Variants in ASTN1 observed in about 807,000 individuals in gnomAD.
ASTN1 encodes astrotactin-1.
In ASTN1, 41 loss-of-function variants were observed where a neutral mutation model predicts 140.7. The observed-to-expected ratio is 0.29, with a 90% CI of 0.23 to 0.38. The LOEUF is 0.38. Ranked by LOEUF, ASTN1 falls within the 10% of genes least tolerant of loss-of-function variation. The pLI is 1.00. For synonymous variants in ASTN1, 640 were observed against 652.2 expected, an observed-to-expected ratio of 0.98 and a Z score of 0.29; for missense variants, 1,479 against 1,678.8, an observed-to-expected ratio of 0.88 and a Z score of 2.08.
intron 1 of ASTN1, among the ~76,000 whole-genome samples, chr1:177,064,228 T>C (rs1325362248): frequency 2.0e-5 from 3 of 152,206 alleles, no homozygotes; most frequent in Non-Finnish European, 2.9e-5. Context: ...GCTAAATCCA[T>C]GTAGTCATTT....
chr1:176,981,170 C>T (rs527287236), intron 8 of ASTN1, among the ~76,000 whole-genome samples: 15 of 136,694 alleles, frequency 1.1e-4, no homozygotes, highest in Middle Eastern at 4.4e-3. Context: ...CAAGATTGCA[C>T]CACTCAACTC....
chr1:176,941,489 A>G (rs774810123), intron 14 of ASTN1, among the ~76,000 whole-genome samples: 2 of 152,162 alleles, frequency 1.3e-5, no homozygotes, highest in Non-Finnish European at 2.9e-5. Flanking sequence ...CCATCTGGGC[A>G]TCCTTCTATT....
intron 12 of ASTN1, among the ~76,000 whole-genome samples, chr1:176,946,486 C>G (rs1671964602): frequency 6.6e-6 from 1 of 152,144 alleles, no homozygotes; most frequent in African/African-American, 2.4e-5. Flanking sequence ...TAGAGCTTTT[C>G]TTAAGAACCA....
chr1:176,909,484 TGGGTAAAAAAG>T (rs1323225011), intron 16 of ASTN1, among the ~76,000 whole-genome samples: 2 of 152,042 alleles, frequency 1.3e-5, no homozygotes, highest in Non-Finnish European at 2.9e-5. Flanking sequence ...AAGGGGAAAA[TGGGTAAAAAAG>T]ATGCTGCTGA....
intron 8 of ASTN1, among the ~76,000 whole-genome samples, chr1:176,984,927 CT>C (rs1673813143): frequency 6.6e-6 from 1 of 152,190 alleles, no homozygotes; most frequent in African/African-American, 2.4e-5. Context: ...AAACCTTGAA[CT>C]CTGAGTGATC....
At chr1:176,906,049 A>G (rs1032760335) in intron 16 of ASTN1, among the ~76,000 whole-genome samples, 1 of 152,232 alleles carries the variant, frequency 6.6e-6, no homozygotes, top group African/African-American at 2.4e-5. Flanking sequence ...CTGGTGACTA[A>G]GGTGACACAG....
intron 1 of ASTN1, among the ~76,000 whole-genome samples, chr1:177,162,673 T>A (rs1260597333): frequency 6.6e-6 from 1 of 152,154 alleles, no homozygotes; most frequent in Non-Finnish European, 1.5e-5. Context: ...TCATGCACAG[T>A]AAACACTACA....
intron 8 of ASTN1, among the ~76,000 whole-genome samples, chr1:176,990,286 A>C (rs1284300426): frequency 1.3e-5 from 2 of 151,928 alleles, no homozygotes; most frequent in African/African-American, 4.8e-5. Context: ...TTCCTTTTAA[A>C]ATTAAAACCC....
chr1:177,101,183 A>C (rs1402756066), intron 1 of ASTN1, among the ~76,000 whole-genome samples: 1 of 152,228 alleles, frequency 6.6e-6, no homozygotes, highest in African/African-American at 2.4e-5. Flanking sequence ...ACTCACAATA[A>C]GCCAAAATTC....
intron 2 of ASTN1, among the ~76,000 whole-genome samples, chr1:177,057,359 G>T (rs1296162089): frequency 6.6e-6 from 1 of 152,000 alleles, no homozygotes; most frequent in Non-Finnish European, 1.5e-5. Flanking sequence ...ATGCCATAAG[G>T]GTCCAAAAAG....
chr1:176,978,080 G>A (rs962958065), intron 8 of ASTN1, among the ~76,000 whole-genome samples: 8 of 152,206 alleles, frequency 5.3e-5, no homozygotes, highest in Non-Finnish European at 1.2e-4. Flanking sequence ...ACTGAGTCTA[G>A]GCATTGAAGG....
At position 176,997,760 on chromosome 1, in the gene ASTN1, T is replaced by C. The variant is rs555562120; in HGVS notation, c.1523+17031A>G. 3.1e-4 allele frequency among the ~76,000 whole-genome samples: 47 copies of C among 152,244 alleles called. No homozygotes were observed. In the East Asian group the frequency reaches 8.3e-3, roughly 27 times the overall value. On this transcript the variant is annotated intron_variant, in intron 8 of 22. Transcript: ENST00000361833. The stretch of plus-strand genomic sequence containing the variant: ...AATAAGACAAGGCACGCTGGGACGA[T>C]TGCCACAATAGATAGTCACAGGCCT...
rs1186697253 is a variant in ASTN1 at position 177,075,621 on chromosome 1, C to CTTTCT, written c.284-14361_284-14357dup. ...AGCAACATTTTTTCTTTCTTTCTTT[C>CTTTCT]TTTCTTTTCTTTTCTTTTCTTTTCT... On this transcript the variant is annotated intron_variant, in intron 1 of 22. Coordinates refer to ENST00000361833, the MANE Select transcript of ASTN1 (RefSeq NM_004319.3). 1.1e-3 allele frequency among the ~76,000 whole-genome samples: 152 copies of CTTTCT among 139,570 alleles called. 2 individuals are homozygous for CTTTCT. Among genetic ancestry groups the CTTTCT allele is most frequent in the Middle Eastern group, 3.9e-3 (1 of 258 alleles). The allele number at this position is 139,570 out of a possible 152,430, so 91.6% of individuals were successfully genotyped here.
At chr1:177,049,555 G>C (rs867940665) in intron 2 of ASTN1, among the ~76,000 whole-genome samples, 2 of 152,134 alleles carry the variant, frequency 1.3e-5, no homozygotes, top group Non-Finnish European at 2.9e-5. Flanking sequence ...CTGAGGCTCA[G>C]GAAGGTCAAG....
chr1:177,152,032 G>C (rs1427430102), intron 1 of ASTN1, among the ~76,000 whole-genome samples: 1 of 152,124 alleles, frequency 6.6e-6, no homozygotes, highest in Non-Finnish European at 1.5e-5. Context: ...AGGGCATATG[G>C]GAAAGATAAT....
chr1:176,901,967 T>C (rs1011187076), intron 16 of ASTN1, among the ~76,000 whole-genome samples: 8 of 152,172 alleles, frequency 5.3e-5, no homozygotes, highest in African/African-American at 1.9e-4. Flanking sequence ...TCAGACCCTG[T>C]TCTTTGGTAA....
Position 176,934,394 on chromosome 1 carries a change from C to G in ASTN1, c.2483-54G>C, listed in dbSNP as rs139769903. 197 of 1,509,106 alleles carry G rather than the reference C, an allele frequency of 1.3e-4. No homozygotes were observed. The East Asian group carries it at 4.1e-3, about 31-fold the overall frequency. The allele number at this position is 1,509,106 out of a possible 1,614,324, so 93.5% of individuals were successfully genotyped here. A position where few individuals can be genotyped will look rare whatever the true frequency, so the allele number is the denominator to read the frequency against. On this transcript the variant is annotated intron_variant, in intron 15 of 22. Coordinates refer to ENST00000361833, the MANE Select transcript of ASTN1 (RefSeq NM_004319.3). The stretch of plus-strand genomic sequence containing the variant: ...AATGAGGGCTCAGATTTTGGGTATA[C>G]GGATTCCCAGGCAATTCAGTCCCAA...
At chr1:176,864,782 A>G (rs1668076269) in intron 22 of ASTN1, among the ~76,000 whole-genome samples, 2 of 152,208 alleles carry the variant, frequency 1.3e-5, no homozygotes, top group African/African-American at 2.4e-5. Flanking sequence ...AATGCATAAT[A>G]TTTTAGTGGA....
chr1:176,939,929 GC>G (rs1201839377), intron 14 of ASTN1, among the ~76,000 whole-genome samples: 1 of 151,926 alleles, frequency 6.6e-6, no homozygotes, highest in African/African-American at 2.4e-5. Flanking sequence ...GAGGACACTA[GC>G]TTTTTCTTGT....
Sources: gnomAD v4.1 joint callset for allele counts (sites outside exome capture counted in the v4.1 genomes callset) on GRCh38, gnomAD v4.1.1 for gene constraint, MANE v1.5 for transcripts, NCBI Gene and HGNC (gene_info 2026-07-23, HGNC 2026-07-21) for gene names.